SMR3A: variants seen among roughly 807,000 people sequenced by gnomAD.
The protein encoded by SMR3A is submaxillary gland androgen regulated protein 3A.
For synonymous variants in SMR3A, 48 were observed against 57.4 expected (o/e 0.84, Z 0.74); for missense variants, 188 against 163.0 (o/e 1.15, Z -0.84).
At chr4:70,363,985 T>C (rs1021497319) in intron 2 of SMR3A, among the ~76,000 whole-genome samples, 1 of 152,002 alleles carries the variant, frequency 6.6e-6, no homozygotes, top group African/African-American at 2.4e-5. Context: ...GCAAGGCTGG[T>C]CCCACAGAAG....
At chr4:70,362,271 G>A (rs1732165856) in intron 2 of SMR3A, 102 bp downstream of exon 2, 4 of 1,565,826 alleles carry the variant, frequency 2.6e-6, no homozygotes, top group African/African-American at 1.4e-5. Flanking sequence ...TTATATATTA[G>A]TAACTATTAA....
chr4:70,365,979 C>G lies in SMR3A; in HGVS notation c.55-665C>G, dbSNP rs564369095. Among the ~76,000 whole-genome samples, 45 of 152,088 alleles carry G rather than the reference C, an allele frequency of 3.0e-4. No homozygotes were observed. In the South Asian group the frequency reaches 4.8e-3, roughly 16 times the overall value. On this transcript the variant is annotated intron_variant, in intron 2 of 2. Transcript: ENST00000226460. ...TCTATTTTTTCCAGTCAATACTATC[C>G]AAGCTTTCATTGAGAGCCTAGGTAT...
chr4:70,363,333 G>A lies in SMR3A; in HGVS notation c.54+1164G>A, dbSNP rs572610031. Among the ~76,000 whole-genome samples, 5 of 151,904 alleles carry A rather than the reference G, an allele frequency of 3.3e-5. No homozygotes were observed. In the South Asian group the frequency reaches 8.3e-4, roughly 25 times the overall value. ...ATTACTGAACATTGGAAATGTGAAG[G>A]GTAGCATGTCCTTTGCATATACATA... On this transcript the variant is annotated intron_variant, in intron 2 of 2. Transcript: ENST00000226460.
At chr4:70,361,846 C>A (rs1158347257) in intron 1 of SMR3A, among the ~76,000 whole-genome samples, 1 of 151,842 alleles carries the variant, frequency 6.6e-6, no homozygotes, top group Admixed American at 6.6e-5. Context: ...CATTTATGAA[C>A]AACTCTTTGG....
In SMR3A at chr4:70,366,564, G is replaced by T. The variant is rs138545048; in HGVS notation, c.55-80G>T. On this transcript the variant is annotated intron_variant, in intron 2 of 2. Transcript: ENST00000226460. The stretch of plus-strand genomic sequence containing the variant: ...AATCTTGAGGCCATCTCAGAGTTCT[G>T]CTTACCATAGAAACCATTCACCCTT... The T allele has an allele frequency of 3.9e-4, 525 of 1,338,370 alleles. 6 individuals carry two copies. The East Asian group carries it at 0.011, about 28-fold the overall frequency. 82.9% of individuals were successfully genotyped at this position (1,338,370 alleles called of 1,614,324 possible).
intron 2 of SMR3A, among the ~76,000 whole-genome samples, chr4:70,365,198 T>C (rs182308725): frequency 6.6e-6 from 1 of 152,050 alleles, no homozygotes; most frequent in Non-Finnish European, 1.5e-5. Context: ...AGAACTGATC[T>C]CTTTAAATCC....
At chr4:70,365,361 G>T (rs943907978) in intron 2 of SMR3A, among the ~76,000 whole-genome samples, 14 of 151,962 alleles carry the variant, frequency 9.2e-5, no homozygotes, top group African/African-American at 3.4e-4. Flanking sequence ...ACAGGCATGA[G>T]CCACCATATC....
intron 2 of SMR3A, among the ~76,000 whole-genome samples, chr4:70,364,068 C>A (rs1732205534): frequency 6.6e-6 from 1 of 151,902 alleles, no homozygotes; most frequent in Non-Finnish European, 1.5e-5. Context: ...GGGCAAAAGC[C>A]AGGTTGAAGA....
At chr4:70,364,048 G>A (rs1361392557) in intron 2 of SMR3A, among the ~76,000 whole-genome samples, 5 of 151,982 alleles carry the variant, frequency 3.3e-5, no homozygotes, top group East Asian at 1.9e-4. Flanking sequence ...AACTTTTACC[G>A]GCATGTTAAG....
chr4:70,362,624 T>C (rs1341030895), intron 2 of SMR3A, among the ~76,000 whole-genome samples: 1 of 151,834 alleles, frequency 6.6e-6, no homozygotes, highest in East Asian at 1.9e-4. Context: ...ATGCTAAATT[T>C]TGAGGAAATA....
intron 1 of SMR3A, among the ~76,000 whole-genome samples, chr4:70,361,629 C>G (rs1353125419): frequency 6.6e-6 from 1 of 151,634 alleles, no homozygotes; most frequent in Non-Finnish European, 1.5e-5. Flanking sequence ...TCTTTCTTTT[C>G]CTTATTTTTG....
Position 70,367,093 on chromosome 4 carries a change from T to C in SMR3A, c.*99T>C. 1.0e-6 allele frequency: 1 copy of C among 997,104 alleles called. No homozygotes were observed. Among genetic ancestry groups the C allele is most frequent in the East Asian group, 2.5e-5 (1 of 40,288 alleles). The allele number at this position is 997,104 out of a possible 1,614,324, so 61.8% of individuals were successfully genotyped here. On this transcript the variant is annotated 3_prime_UTR_variant, in exon 3 of 3. Coordinates refer to ENST00000226460, the MANE Select transcript of SMR3A (RefSeq NM_012390.4). ...CAAAAATAAGAATTTCAACACTACT[T>C]CCAAGAGACTTTTAGATAAAATCAC...
At chr4:70,366,619 A>G (rs755284255) in intron 2 of SMR3A, 25 bp from the exon 3 acceptor site, 9 of 1,545,606 alleles carry the variant, frequency 5.8e-6, no homozygotes, top group South Asian at 3.7e-5. Context: ...CTGATTTAAA[A>G]TTATTTACTT....
In SMR3A at chr4:70,366,895, TC is replaced by T; in HGVS notation, c.308del (p.Pro103HisfsTer19). Reference protein sequence around the residue: ...SLPPPYGPGYPQPPSQPRPYP... With the variant: ...SLPPPYGPGYXQPPSQPRPYP... ...TTCCTCCTCCTTATGGCCCAGGTTA[TC>T]CACAGCCACCTTCCCAACCAAGACC... On this transcript the variant is annotated frameshift_variant, in exon 3 of 3. Transcript: ENST00000226460. LOFTEE classifies it low-confidence loss of function (END_TRUNC). 1.2e-6 allele frequency: 2 copies of T among 1,613,690 alleles called. No individual in the cohort carries two copies. Among genetic ancestry groups the T allele is most frequent in the Non-Finnish European group, 1.7e-6 (2 of 1,179,806 alleles).
chr4:70,365,071 C>T (rs944660443), intron 2 of SMR3A, among the ~76,000 whole-genome samples: 10 of 151,954 alleles, frequency 6.6e-5, no homozygotes, highest in Non-Finnish European at 2.9e-5. Context: ...CATTCTTACC[C>T]CAGAGCATTT....
chr4:70,364,619 G>C (rs1421464058), intron 2 of SMR3A, among the ~76,000 whole-genome samples: 3 of 151,970 alleles, frequency 2.0e-5, no homozygotes, highest in African/African-American at 4.8e-5. Context: ...CAGTAAATCA[G>C]GGAAGTTCGT....
intron 2 of SMR3A, among the ~76,000 whole-genome samples, 162 bp downstream of exon 2, chr4:70,362,331 T>C (rs1003617594): frequency 2.0e-5 from 3 of 151,908 alleles, no homozygotes; most frequent in Non-Finnish European, 2.9e-5. Context: ...TAAAATCTAA[T>C]TTAATTTAAA....
At position 70,366,792 on chromosome 4, in the gene SMR3A, C is replaced by A. The variant is rs150844703; in HGVS notation, c.203C>A (p.Ser68Tyr). ...CCAGGGAGATTTCCACCACCCCTTT[C>A]TCCACCCTATGGTCCAGGGAGAATC... ...YGPGRFPPPL[S>Y]PPYGPGRIPP... Residue 68 changes from serine (S) to tyrosine (Y), a missense_variant, in exon 3 of 3, where the codon TCT becomes TAT. Coordinates refer to ENST00000226460, the MANE Select transcript of SMR3A (RefSeq NM_012390.4). The A allele has an allele frequency of 9.3e-6, 15 of 1,613,208 alleles. No individual in the cohort carries two copies. The African/African-American group carries it at 1.7e-4, about 19-fold the overall frequency.
intron 2 of SMR3A, among the ~76,000 whole-genome samples, chr4:70,362,996 C>T (rs1732180736): frequency 2.0e-5 from 3 of 151,810 alleles, no homozygotes; most frequent in Non-Finnish European, 1.5e-5. Context: ...AAAAACAGGA[C>T]ATTCTGAGAT....
Sources: allele counts gnomAD v4.1 joint callset (sites outside exome capture counted in the v4.1 genomes callset), GRCh38; gene constraint gnomAD v4.1.1; transcripts MANE v1.5; gene names NCBI Gene and HGNC (gene_info 2026-07-23, HGNC 2026-07-21).